Variants in NOS1 observed in about 807,000 individuals in gnomAD.
The protein encoded by NOS1 is NOS type I.
Under a neutral mutation model 164.5 loss-of-function variants are expected in NOS1, and 51 were observed. The observed-to-expected ratio is 0.31, with a 90% CI of 0.25 to 0.39. NOS1 has a LOEUF of 0.39. Ranked by LOEUF, NOS1 falls within the 10% of genes least tolerant of loss-of-function variation. NOS1 has a pLI of 1.00. For missense variants in NOS1, 1,362 were observed against 1,885.6 expected (o/e 0.72, Z 5.14); for synonymous variants, 719 against 745.8 (o/e 0.96, Z 0.59).
At chr12:117,296,490 T>TG (rs1457320293) in intron 3 of NOS1, among the ~76,000 whole-genome samples, 2 of 152,336 alleles carry the variant, frequency 1.3e-5, no homozygotes, top group East Asian at 3.9e-4. Flanking sequence ...GCTTAGCCTC[T>TG]GAGCCTACAT....
chr12:117,341,605 C>T (rs906849093), intron 1 of NOS1, among the ~76,000 whole-genome samples: 27 of 152,124 alleles, frequency 1.8e-4, no homozygotes, highest in African/African-American at 4.3e-4. Flanking sequence ...TATCCATGGA[C>T]GCTTCAGTGG....
intron 16 of NOS1, among the ~76,000 whole-genome samples, chr12:117,257,172 C>T (rs1294307931): frequency 6.6e-6 from 1 of 152,138 alleles, no homozygotes; most frequent in Non-Finnish European, 1.5e-5. Flanking sequence ...TAGCCTCAAG[C>T]CCCTGAGCTC....
At chr12:117,359,200 C>A (rs1876999874) in intron 1 of NOS1, among the ~76,000 whole-genome samples, 1 of 133,378 alleles carries the variant, frequency 7.5e-6, no homozygotes, top group Non-Finnish European at 1.6e-5. Context: ...GGGGCCGGGG[C>A]CCGCCGTGGC....
At chr12:117,294,348 A>T (rs1873272624) in intron 3 of NOS1, among the ~76,000 whole-genome samples, 1 of 151,988 alleles carries the variant, frequency 6.6e-6, no homozygotes, top group African/African-American at 2.4e-5. Flanking sequence ...GAGGGGGAGG[A>T]GCGAGATAAC....
At chr12:117,360,645 C>T (rs1877095719) in intron 1 of NOS1, among the ~76,000 whole-genome samples, 1 of 152,220 alleles carries the variant, frequency 6.6e-6, no homozygotes, top group Admixed American at 6.5e-5. Context: ...AGCGATGTTC[C>T]GGGAGCGGAG....
chr12:117,211,551 C>T lies in NOS1; in HGVS notation c.*3758G>A, dbSNP rs1030227387. 7 of 985,418 alleles carry T rather than the reference C, an allele frequency of 7.1e-6. No individual in the cohort carries two copies. The Admixed American group carries it at 3.7e-4, about 52-fold the overall frequency. 61.0% of individuals were successfully genotyped at this position (985,418 alleles called of 1,614,324 possible). On this transcript the variant is annotated 3_prime_UTR_variant, in exon 29 of 29. Coordinates refer to ENST00000317775, the MANE Select transcript of NOS1 (RefSeq NM_000620.5). ...CCTAAATTTCTTGTAATGCCACTCA[C>T]CTCTCCCCACGGTCTGGTCCCAGCC...
chr12:117,336,159 A>C (rs1412164953), intron 1 of NOS1, among the ~76,000 whole-genome samples: 1 of 152,166 alleles, frequency 6.6e-6, no homozygotes, highest in Non-Finnish European at 1.5e-5. Context: ...CTTTTCCTCC[A>C]CAAAGCACAT....
intron 24 of NOS1, 69 bp from the exon 25 acceptor site, chr12:117,225,206 G>A: frequency 6.5e-7 from 1 of 1,542,790 alleles, no homozygotes; most frequent in South Asian, 1.3e-5. Flanking sequence ...TGAATCTTAG[G>A]TAGACCAGGT....
intron 1 of NOS1, among the ~76,000 whole-genome samples, chr12:117,355,538 C>T (rs945532146): frequency 5.3e-5 from 8 of 152,042 alleles, no homozygotes; most frequent in African/African-American, 1.9e-4. Flanking sequence ...AAAATACTCT[C>T]CAAACAAAAC....
chr12:117,280,892 G>C, intron 7 of NOS1, 26 bp from the exon 8 acceptor site: 1 of 1,610,884 alleles, frequency 6.2e-7, no homozygotes, highest in East Asian at 2.2e-5. Context: ...GGGAACACCC[G>C]GCATCAGGGC....
Position 117,265,482 on chromosome 12 carries a change from T to G in NOS1, c.1970A>C (p.His657Pro). 1.3e-6 allele frequency: 2 copies of G among 1,564,008 alleles called. No homozygotes were observed. Among genetic ancestry groups the G allele is most frequent in the African/African-American group, 1.4e-5 (1 of 73,966 alleles). Reference sequence around the variant, plus strand: ...CTTAATGAAGGACTCGGTGGCGGAGTGATGGTCAACAATGGTCACTTTGTC... The same window carrying G: ...CTTAATGAAGGACTCGGTGGCGGAGGGATGGTCAACAATGGTCACTTTGTC... ...QSDKVTIVDH[H>P]SATESFIKHM... The change falls in exon 12 of 29, where the codon CAC becomes CCC. Residue 657 changes from histidine (H) to proline (P), a missense_variant. Around this residue, in one of 4 missense-constraint regions of NOS1, gnomAD observed 737 missense variants for 1,030.3 expected, o/e 0.72. Coordinates refer to ENST00000317775, the MANE Select transcript of NOS1 (RefSeq NM_000620.5).
chr12:117,353,289 ATCTATCTG>A (rs1876714737), intron 1 of NOS1, among the ~76,000 whole-genome samples: 1 of 151,938 alleles, frequency 6.6e-6, no homozygotes, highest in African/African-American at 2.4e-5. Context: ...GCTATTATCT[ATCTATCTG>A]TCTATCTATC....
intron 26 of NOS1, among the ~76,000 whole-genome samples, chr12:117,220,689 C>T (rs1246007843): frequency 3.3e-5 from 5 of 152,116 alleles, no homozygotes; most frequent in African/African-American, 1.2e-4. Flanking sequence ...TGTTACAGTG[C>T]CAGGGAAGCC....
At chr12:117,260,653 G>A (rs759264080) in intron 13 of NOS1, 44 bp from the exon 14 acceptor site, 5 of 1,593,212 alleles carry the variant, frequency 3.1e-6, no homozygotes, top group Admixed American at 3.4e-5. Flanking sequence ...AACAGAAAAG[G>A]GGAGAGAAGA....
intron 22 of NOS1, among the ~76,000 whole-genome samples, chr12:117,228,470 T>A (rs1442770676): frequency 6.6e-6 from 1 of 152,114 alleles, no homozygotes; most frequent in African/African-American, 2.4e-5. Flanking sequence ...TGGAGATGCA[T>A]CTTTGGAGAG....
At chr12:117,255,444 T>C (rs1871362658) in intron 16 of NOS1, among the ~76,000 whole-genome samples, 1 of 152,340 alleles carries the variant, frequency 6.6e-6, no homozygotes, top group Middle Eastern at 3.4e-3. Flanking sequence ...TTGTGCATTC[T>C]AGCAGCAGGG....
chr12:117,250,618 C>T lies in NOS1; in HGVS notation c.2648+3020G>A, dbSNP rs1308554231. On this transcript the variant is annotated intron_variant, in intron 17 of 28. Coordinates refer to ENST00000317775, the MANE Select transcript of NOS1 (RefSeq NM_000620.5). ...TGCTGGGATTACAGGCGTGAGCTGCCGTGCCCAGCCTGCCATTTACTCTTA... is the reference window on the plus strand; with the variant it reads ...TGCTGGGATTACAGGCGTGAGCTGCTGTGCCCAGCCTGCCATTTACTCTTA... Among the ~76,000 whole-genome samples the T allele has an allele frequency of 4.6e-5, 7 of 152,108 alleles. No homozygotes were observed. The East Asian group carries it at 5.8e-4, about 13-fold the overall frequency.
chr12:117,308,555 CA>C (rs199773807), intron 3 of NOS1, among the ~76,000 whole-genome samples: 13 of 141,750 alleles, frequency 9.2e-5, no homozygotes, highest in South Asian at 4.5e-4. Flanking sequence ...AACAAACAAA[CA>C]AAAAAAAAAC....
At chr12:117,300,216 A>T (rs1459548627) in intron 3 of NOS1, among the ~76,000 whole-genome samples, 1 of 151,986 alleles carries the variant, frequency 6.6e-6, no homozygotes, top group Non-Finnish European at 1.5e-5. Flanking sequence ...AATGACTTTG[A>T]CCCAACTTGC....
Sources: gnomAD v4.1 joint callset for allele counts (sites outside exome capture counted in the v4.1 genomes callset) on GRCh38, gnomAD v4.1.1 for gene constraint, gnomAD v4.1.1 regional missense constraint, MANE v1.5 for transcripts, NCBI Gene and HGNC (gene_info 2026-07-23, HGNC 2026-07-21) for gene names.